The following MARK2 variants were observed in gnomAD, a reference collection of about 807,000 sequenced individuals.
MARK2 encodes serine/threonine-protein kinase MARK2.
MARK2 carries 16 observed loss-of-function variants against 89.8 expected under a neutral mutation model. That is an observed-to-expected ratio of 0.18 (90% CI 0.12 to 0.27). The LOEUF (loss-of-function observed/expected upper bound fraction) is 0.27. Ranked by LOEUF, MARK2 falls within the 10% of genes least tolerant of loss-of-function variation. MARK2 has a pLI of 1.00. For missense variants in MARK2, 621 were observed against 1,049.9 expected (o/e 0.59, Z 5.65); for synonymous variants, 382 against 399.5 (o/e 0.96, Z 0.52).
chr11:63,895,155 G>T lies in MARK2; in HGVS notation c.55-4G>T, dbSNP rs367933675. On this transcript the variant is annotated splice_polypyrimidine_tract_variant and splice_region_variant and intron_variant, in intron 1 of 18. Transcript: ENST00000402010. ...GTAATGGTATCTCTGTTTCCACCCC[G>T]CAGCCCACCTTGGGACACCTTGACT... is the stretch of plus-strand genomic sequence containing the variant. The T allele has an allele frequency of 2.5e-6, 4 of 1,610,322 alleles. No individual in the cohort carries two copies. Among genetic ancestry groups the T allele is most frequent in the Admixed American group, 3.4e-5 (2 of 59,672 alleles).
chr11:63,885,520 T>TAA (rs2135299548), intron 1 of MARK2, among the ~76,000 whole-genome samples: 1 of 149,478 alleles, frequency 6.7e-6, no homozygotes, highest in East Asian at 2.0e-4. Context: ...GCCTGGGTGA[T>TAA]AGAGTCATAC....
intron 17 of MARK2, 135 bp from the exon 18 acceptor site, chr11:63,908,125 T>C: frequency 2.8e-6 from 2 of 720,462 alleles, no homozygotes; most frequent in Non-Finnish European, 4.8e-6. Flanking sequence ...TGCCAGGTGA[T>C]GGGCAGAGGG....
chr11:63,901,124 C>T (rs985485958), intron 11 of MARK2, 55 bp downstream of exon 11: 17 of 1,155,720 alleles, frequency 1.5e-5, no homozygotes, highest in Middle Eastern at 2.0e-4. Flanking sequence ...TCTGTAGCAC[C>T]TATGCTTCTA....
At position 63,839,447 on chromosome 11, in the gene MARK2, G is replaced by GCCTTC; in HGVS notation, c.-51_-47dup. The GCCTTC allele has an allele frequency of 9.2e-7, 1 of 1,085,024 alleles. No homozygotes were observed. Among genetic ancestry groups the GCCTTC allele is most frequent in the South Asian group, 1.4e-5 (1 of 73,750 alleles). The allele number at this position is 1,085,024 out of a possible 1,614,324, so 67.2% of individuals were successfully genotyped here. On this transcript the variant is annotated 5_prime_UTR_variant, in exon 1 of 19. Coordinates refer to ENST00000402010, the MANE Select transcript of MARK2 (RefSeq NM_001039469.3). Reference sequence around the variant, plus strand: ...GAAGCCCCGCCCGGCCGGGCTCCGCGCCTTCCCTTCCCTCCCTTCCTCCAA... The same window carrying GCCTTC: ...GAAGCCCCGCCCGGCCGGGCTCCGCGCCTTCCCTTCCCTTCCCTCCCTTCCTCCAA...
chr11:63,905,880 G>A (rs760533325), intron 16 of MARK2, among the ~76,000 whole-genome samples: 4 of 152,100 alleles, frequency 2.6e-5, no homozygotes, highest in Non-Finnish European at 5.9e-5. Context: ...TGCCCCATCC[G>A]AGCCCCAGAA....
chr11:63,865,987 G>T (rs986539047), intron 1 of MARK2, among the ~76,000 whole-genome samples: 1 of 152,060 alleles, frequency 6.6e-6, no homozygotes, highest in African/African-American at 2.4e-5. Flanking sequence ...CTGCTCTCTG[G>T]TGCGTTCCTG....
In MARK2 at chr11:63,902,579, T is replaced by TCCCATCCTCCCTCTGG; in HGVS notation, c.1235-17_1235-2dup. The TCCCATCCTCCCTCTGG allele has an allele frequency of 6.2e-7, 1 of 1,609,174 alleles. No homozygotes were observed. Among genetic ancestry groups the TCCCATCCTCCCTCTGG allele is most frequent in the East Asian group, 2.2e-5 (1 of 44,838 alleles). On this transcript the variant is annotated intron_variant, in intron 12 of 18. Coordinates refer to ENST00000402010, the MANE Select transcript of MARK2 (RefSeq NM_001039469.3). This position sits in a 1 kb window ranked among gnomAD's most constrained non-coding sequence, Gnocchi z 4.2. ...CAGTGGACCCCTTGGCCTTACCCAT[T>TCCCATCCTCCCTCTGG]CCCATCCTCCCTCTGGCCCAGCAGC...
chr11:63,851,780 T>C (rs921792228), intron 1 of MARK2, among the ~76,000 whole-genome samples: 9 of 152,098 alleles, frequency 5.9e-5, no homozygotes, highest in African/African-American at 1.7e-4. Flanking sequence ...TTTTTTTTTT[T>C]CTTGTTTCTG....
chr11:63,845,125 G>GC (rs2016214577), intron 1 of MARK2, among the ~76,000 whole-genome samples: 1 of 152,146 alleles, frequency 6.6e-6, no homozygotes, highest in East Asian at 1.9e-4. Context: ...GGTGAGGAGG[G>GC]TGGTCATCTT....
intron 1 of MARK2, among the ~76,000 whole-genome samples, chr11:63,887,430 C>T (rs1000613538): frequency 6.6e-6 from 1 of 152,206 alleles, no homozygotes; most frequent in Non-Finnish European, 1.5e-5. Context: ...AAAGTGTAAG[C>T]GCTGGACATA....
chr11:63,904,073 G>A lies in MARK2; in HGVS notation c.1602G>A (p.Met534Ile). The A allele has an allele frequency of 6.2e-7, 1 of 1,606,698 alleles. No individual in the cohort carries two copies. Among genetic ancestry groups the A allele is most frequent in the South Asian group, 1.1e-5 (1 of 90,936 alleles). ...GGCCCCGCCAGCACCAGAAATCCAT[G>A]TCGGCCTCCGTGCACCCCAACAAGG... ...AARPRQHQKS[M>I]SASVHPNKAS... Residue 534 changes from methionine (M) to isoleucine (I), a missense_variant, in exon 15 of 19, where the codon ATG becomes ATA. Physicochemically the swap from Met to Ile is conservative, Grantham distance 10. Coordinates refer to ENST00000402010, the MANE Select transcript of MARK2 (RefSeq NM_001039469.3). This position sits in a 1 kb window ranked among gnomAD's most constrained non-coding sequence, Gnocchi z 6.3.
intron 1 of MARK2, among the ~76,000 whole-genome samples, chr11:63,875,983 G>T (rs1041790137): frequency 6.6e-6 from 1 of 152,228 alleles, no homozygotes; most frequent in African/African-American, 2.4e-5. Flanking sequence ...ACGCATGTGT[G>T]TGTAAAACAC....
intron 4 of MARK2, 58 bp downstream of exon 4, chr11:63,898,338 C>A (rs1940586130): frequency 6.6e-7 from 1 of 1,506,238 alleles, no homozygotes; most frequent in Admixed American, 1.7e-5. Context: ...TGCTTTCCAG[C>A]ATGTCATCTT....
At chr11:63,859,031 ATTTTATTATGAGGTTTGTG>A (rs1937606411) in intron 1 of MARK2, among the ~76,000 whole-genome samples, 1 of 151,126 alleles carries the variant, frequency 6.6e-6, no homozygotes, top group Non-Finnish European at 1.5e-5. Flanking sequence ...GCTTACTTGG[ATTTTATTATGAGGTTTGTG>A]TTTTATTATG....
chr11:63,862,915 CTG>C (rs1937890922), intron 1 of MARK2, among the ~76,000 whole-genome samples: 1 of 152,092 alleles, frequency 6.6e-6, no homozygotes, highest in African/African-American at 2.4e-5. Flanking sequence ...TGGATCTTAA[CTG>C]TGTATATTTT....
intron 1 of MARK2, among the ~76,000 whole-genome samples, chr11:63,855,072 A>G (rs2135221178): frequency 6.6e-6 from 1 of 152,322 alleles, no homozygotes; most frequent in Admixed American, 6.5e-5. Context: ...AGAATTTTGG[A>G]AAACTTGTGT....
chr11:63,904,043 G>A lies in MARK2; in HGVS notation c.1572G>A (p.Ala524=), dbSNP rs376412234. Reference sequence around the variant, plus strand: ...CTTCTGCTTCTGCCGCAGTCTCTGCGGCCCGGCCCCGCCAGCACCAGAAAT... The same window carrying A: ...CTTCTGCTTCTGCCGCAGTCTCTGCAGCCCGGCCCCGCCAGCACCAGAAAT... ...STASASAAVS[A]ARPRQHQKSM... Residue 524 remains alanine (A), a synonymous_variant, in exon 15 of 19, where the codon GCG becomes GCA. Transcript: ENST00000402010. This position sits in a 1 kb window ranked among gnomAD's most constrained non-coding sequence, Gnocchi z 6.3. The A allele has an allele frequency of 5.6e-6, 9 of 1,603,804 alleles. No individual in the cohort carries two copies. Among genetic ancestry groups the A allele is most frequent in the Admixed American group, 5.0e-5 (3 of 59,434 alleles).
chr11:63,859,718 A>G (rs564635394), intron 1 of MARK2, among the ~76,000 whole-genome samples: 5 of 146,588 alleles, frequency 3.4e-5, no homozygotes, highest in Non-Finnish European at 7.5e-5. Context: ...TGCAGCCTCC[A>G]CCTCCCAGAT....
chr11:63,908,847 C>CT, intron 18 of MARK2, 30 bp from the exon 19 acceptor site: 2 of 1,436,142 alleles, frequency 1.4e-6, no homozygotes, highest in Non-Finnish European at 1.8e-6. Context: ...CTCAGCCCCC[C>CT]CGTGACGCCC....
Sources: allele counts gnomAD v4.1 joint callset (sites outside exome capture counted in the v4.1 genomes callset), GRCh38; gene constraint gnomAD v4.1.1; non-coding constraint Gnocchi (gnomAD v3.1); transcripts MANE v1.5; gene names NCBI Gene and HGNC (gene_info 2026-07-23, HGNC 2026-07-21).